NDRG1: variants seen among roughly 807,000 people sequenced by gnomAD.
NDRG1 encodes the protein N-myc downstream regulated 1, also known as protein NDRG1.
A neutral mutation model predicts 56.9 loss-of-function variants in NDRG1; 32 were observed. The observed-to-expected ratio is 0.56, with a 90% confidence interval of 0.42 to 0.76. NDRG1 has a LOEUF of 0.76. NDRG1 is among the 30% of genes least tolerant of loss of function. The pLI, the probability that NDRG1 is intolerant of heterozygous loss-of-function variation, is 0.00. For synonymous variants in NDRG1, 211 were observed against 204.1 expected (o/e 1.03, Z -0.29); for missense variants, 507 against 545.7 (o/e 0.93, Z 0.71).
chr8:133,242,209 C>T, intron 14 of NDRG1, 135 bp from the exon 15 acceptor site: 1 of 856,218 alleles, frequency 1.2e-6, no homozygotes, highest in Non-Finnish European at 2.0e-6. Flanking sequence ...GTTGACAGGA[C>T]AAAACACAAA....
intron 15 of NDRG1, chr8:133,240,370 G>A (rs1855311975): frequency 6.6e-6 from 1 of 152,212 alleles, no homozygotes; most frequent in South Asian, 2.1e-4. Context: ...GGCTTTTGAT[G>A]TCAGGCACTC....
chr8:133,254,675 G>A, intron 8 of NDRG1, 80 bp from the exon 9 acceptor site: 3 of 1,417,180 alleles, frequency 2.1e-6, no homozygotes, highest in East Asian at 2.4e-5. Flanking sequence ...CACTTCCCTG[G>A]GTGCAGGGTG....
intron 1 of NDRG1, among the ~76,000 whole-genome samples, chr8:133,285,767 TC>T (rs955526039): frequency 6.8e-6 from 1 of 148,130 alleles, no homozygotes; most frequent in African/African-American, 2.6e-5. Context: ...GAGTCTATGC[TC>T]CAGAACATTC....
At chr8:133,253,731 T>A (rs556613684) in intron 9 of NDRG1, among the ~76,000 whole-genome samples, 1 of 152,204 alleles carries the variant, frequency 6.6e-6, no homozygotes, top group Non-Finnish European at 1.5e-5. Flanking sequence ...GGTCTCTCTG[T>A]CACCTAGGCG....
At chr8:133,258,945 T>C (rs1856523923) in intron 6 of NDRG1, 2 of 612,480 alleles carry the variant, frequency 3.3e-6, no homozygotes, top group South Asian at 1.9e-5. Flanking sequence ...CATCATGCAA[T>C]ATAACATTCA....
intron 7 of NDRG1, among the ~76,000 whole-genome samples, chr8:133,257,282 TACACACACAC>T (rs58312135): frequency 9.7e-4 from 143 of 146,820 alleles, no homozygotes; most frequent in African/African-American, 1.5e-3. Context: ...AACACATGCA[TACACACACAC>T]ACACACACAC....
intron 12 of NDRG1, 107 bp from the exon 13 acceptor site, chr8:133,246,770 TGCTG>T (rs1855707250): frequency 9.5e-7 from 1 of 1,054,444 alleles, no homozygotes; most frequent in East Asian, 2.4e-5. Flanking sequence ...CCAGTATTTC[TGCTG>T]GCAAAGAAGA....
intron 3 of NDRG1, among the ~76,000 whole-genome samples, chr8:133,271,434 C>T (rs574452168): frequency 1.3e-5 from 2 of 152,288 alleles, no homozygotes; most frequent in African/African-American, 4.8e-5. Context: ...AAATGATACA[C>T]TCCTCCCCCT....
At chr8:133,245,956 C>A (rs1855651614) in intron 13 of NDRG1, among the ~76,000 whole-genome samples, 3 of 152,202 alleles carry the variant, frequency 2.0e-5, no homozygotes, top group Non-Finnish European at 2.9e-5. Context: ...GCACGGTGAC[C>A]TACAGATGCC....
chr8:133,248,625 C>T, intron 11 of NDRG1, 90 bp downstream of exon 11: 1 of 1,424,368 alleles, frequency 7.0e-7, no homozygotes, highest in Non-Finnish European at 9.9e-7. Flanking sequence ...CAATGTCCTG[C>T]CACACTCAGA....
intron 5 of NDRG1, among the ~76,000 whole-genome samples, chr8:133,259,704 C>T (rs542651672): frequency 2.8e-4 from 42 of 152,140 alleles, no homozygotes; most frequent in Non-Finnish European, 5.6e-4. Flanking sequence ...GAGTTCCATC[C>T]GCAAAGCAGT....
intron 6 of NDRG1, among the ~76,000 whole-genome samples, chr8:133,258,689 G>A (rs982961807): frequency 9.2e-5 from 14 of 152,216 alleles, no homozygotes; most frequent in Admixed American, 5.9e-4. Context: ...GGGAAGGCCC[G>A]TTACGGCATC....
intron 1 of NDRG1, chr8:133,296,862 C>T: frequency 4.4e-6 from 1 of 228,882 alleles, no homozygotes; most frequent in Non-Finnish European, 9.1e-6. Context: ...CCTTCCCGAC[C>T]TCCAGAACCC....
At chr8:133,290,453 C>T (rs1046854667) in intron 1 of NDRG1, among the ~76,000 whole-genome samples, 2 of 152,190 alleles carry the variant, frequency 1.3e-5, no homozygotes, top group Non-Finnish European at 2.9e-5. Flanking sequence ...GACGGGGAAA[C>T]TGAGGCATCA....
chr8:133,282,969 C>T (rs1313942495), intron 2 of NDRG1, among the ~76,000 whole-genome samples: 1 of 152,150 alleles, frequency 6.6e-6, no homozygotes, highest in Non-Finnish European at 1.5e-5. Context: ...ATTTTTAAAT[C>T]TGCAAAAGGG....
At chr8:133,269,919 C>T (rs1053160504) in intron 3 of NDRG1, among the ~76,000 whole-genome samples, 8 of 152,236 alleles carry the variant, frequency 5.3e-5, no homozygotes, top group African/African-American at 7.2e-5. Context: ...CCAAACTGCA[C>T]GCATGTGTGT....
chr8:133,280,107 G>C (rs1857699367), intron 3 of NDRG1, 125 bp downstream of exon 3: 1 of 1,165,386 alleles, frequency 8.6e-7, no homozygotes, highest in Admixed American at 2.0e-5. Flanking sequence ...ACCTAGCTGA[G>C]ACCACTGCCT....
Position 133,238,727 on chromosome 8 carries a change from C to A in NDRG1, c.*151G>T. On this transcript the variant is annotated 3_prime_UTR_variant, in exon 16 of 16. Coordinates refer to ENST00000323851, the MANE Select transcript of NDRG1 (RefSeq NM_006096.4). ...GAGAGGGCACCCACGTAATAGACCT[C>A]ATTTGTCTCCACCAGAGCTCACTCT... The A allele has an allele frequency of 1.0e-6, 1 of 988,044 alleles. No individual in the cohort carries two copies. The highest frequency in any genetic ancestry group is 1.4e-6 in the Non-Finnish European group (1 of 689,964). The allele number at this position is 988,044 out of a possible 1,614,324, so 61.2% of individuals were successfully genotyped here.
intron 14 of NDRG1, among the ~76,000 whole-genome samples, chr8:133,242,738 AGAAG>A (rs371193206): frequency 5.9e-5 from 9 of 152,074 alleles, no homozygotes; most frequent in Non-Finnish European, 8.8e-5. Flanking sequence ...AGAAAGGAAG[AGAAG>A]GAAGGAAGGA....
Sources: gnomAD v4.1 joint callset for allele counts (sites outside exome capture counted in the v4.1 genomes callset) on GRCh38, gnomAD v4.1.1 for gene constraint, MANE v1.5 for transcripts, NCBI Gene and HGNC (gene_info 2026-07-23, HGNC 2026-07-21) for gene names.